The following FBXL17 variants were observed in gnomAD, a reference collection of about 807,000 sequenced individuals.
FBXL17 encodes F-box and leucine rich repeat protein 17.
In FBXL17, 22 loss-of-function variants were observed where a neutral mutation model predicts 66.2. That is an observed-to-expected ratio of 0.33 (90% CI 0.24 to 0.47). The LOEUF is 0.47. Among genes scored for constraint, FBXL17 ranks in the 20% least tolerant of loss-of-function variants. The pLI, the probability that FBXL17 is intolerant of heterozygous loss-of-function variation, is 1.00. For missense variants in FBXL17, 878 were observed against 948.2 expected (o/e 0.93, Z 0.97); for synonymous variants, 474 against 400.5 (o/e 1.18, Z -2.19).
At chr5:108,050,341 G>T (rs1747422437) in intron 6 of FBXL17, among the ~76,000 whole-genome samples, 2 of 152,150 alleles carry the variant, frequency 1.3e-5, no homozygotes, top group South Asian at 2.1e-4. Flanking sequence ...AAATGCAAAA[G>T]AACTGAAATC....
At chr5:108,048,005 A>G (rs1747323225) in intron 6 of FBXL17, among the ~76,000 whole-genome samples, 1 of 152,188 alleles carries the variant, frequency 6.6e-6, no homozygotes, top group Non-Finnish European at 1.5e-5. Flanking sequence ...ACCCTCCAAC[A>G]GGGGTTGTCA....
rs145664634 is a variant in FBXL17 at position 108,194,397 on chromosome 5, T to A, written c.1615-8150A>T. On this transcript the variant is annotated intron_variant, in intron 5 of 8. Coordinates refer to ENST00000542267, the MANE Select transcript of FBXL17 (RefSeq NM_001163315.3). ...AGGAAAAAAAAAAGTCTTCGAAATA[T>A]ACTTGCCTTAATGCAAATTATTAAC... Among the ~76,000 whole-genome samples the A allele has an allele frequency of 7.8e-4, 119 of 152,296 alleles. No homozygotes were observed. The East Asian group carries it at 0.011, about 14-fold the overall frequency.
rs149220322 is a variant in FBXL17, at chr5:108,183,672, A to T, written c.1745+2445T>A. Among the ~76,000 whole-genome samples the T allele has an allele frequency of 3.2e-3, 489 of 152,200 alleles. 2 individuals carry two copies. The highest frequency in any genetic ancestry group is 0.011 in the South Asian group (51 of 4,822). On this transcript the variant is annotated intron_variant, in intron 6 of 8. Coordinates refer to ENST00000542267, the MANE Select transcript of FBXL17 (RefSeq NM_001163315.3). ...GGATTTTGGTGCGCCCATCCCCTGA[A>T]TAGTGCACATTGTACCCCATAGGCA...
chr5:108,014,085 T>A (rs563150808), intron 7 of FBXL17, among the ~76,000 whole-genome samples: 29 of 152,150 alleles, frequency 1.9e-4, no homozygotes, highest in African/African-American at 6.7e-4. Flanking sequence ...CCAAGAGTAC[T>A]ATGCAGTGAG....
intron 7 of FBXL17, among the ~76,000 whole-genome samples, chr5:107,973,490 T>G (rs1047638987): frequency 1.3e-5 from 2 of 151,890 alleles, no homozygotes; most frequent in Admixed American, 1.3e-4. Context: ...TTTTAGAGTG[T>G]GCACCACTCT....
chr5:107,875,329 C>T (rs1748588157), intron 8 of FBXL17, among the ~76,000 whole-genome samples: 1 of 152,152 alleles, frequency 6.6e-6, no homozygotes, highest in Non-Finnish European at 1.5e-5. Context: ...TAGTTCTGTA[C>T]ATTAGTTACA....
At chr5:107,875,909 G>C (rs1291607646) in intron 8 of FBXL17, among the ~76,000 whole-genome samples, 3 of 152,244 alleles carry the variant, frequency 2.0e-5, no homozygotes, top group African/African-American at 7.2e-5. Flanking sequence ...TCACACAGAG[G>C]CGGCTCTCCT....
At position 107,920,846 on chromosome 5, in the gene FBXL17, T is replaced by C. The variant is rs182306871; in HGVS notation, c.1823-39667A>G. 1.2e-3 allele frequency among the ~76,000 whole-genome samples: 185 copies of C among 152,226 alleles called. 1 individual carries two copies. Among genetic ancestry groups the C allele is most frequent in the African/African-American group, 4.3e-3 (178 of 41,540 alleles). On this transcript the variant is annotated intron_variant, in intron 7 of 8. Coordinates refer to ENST00000542267, the MANE Select transcript of FBXL17 (RefSeq NM_001163315.3). Reference sequence around the variant, plus strand: ...GTTTAAGAGGTCTCCACGGTATAATTTGTCACCACTACAAGTTTCTGCTTT... The same window carrying C: ...GTTTAAGAGGTCTCCACGGTATAATCTGTCACCACTACAAGTTTCTGCTTT...
intron 4 of FBXL17, among the ~76,000 whole-genome samples, chr5:108,333,049 T>C (rs1201870651): frequency 7.4e-6 from 1 of 135,792 alleles, no homozygotes; most frequent in Non-Finnish European, 1.5e-5. Flanking sequence ...TAAAATCTTA[T>C]ATAAGAAGTT....
intron 6 of FBXL17, among the ~76,000 whole-genome samples, chr5:108,088,617 C>T (rs1749062486): frequency 7.3e-6 from 1 of 136,066 alleles, no homozygotes; most frequent in African/African-American, 2.7e-5. Flanking sequence ...AGGAGAATCG[C>T]TTAAACTTGG....
intron 4 of FBXL17, among the ~76,000 whole-genome samples, chr5:108,278,974 C>A (rs1580734748): frequency 6.6e-6 from 1 of 152,316 alleles, no homozygotes; most frequent in East Asian, 1.9e-4. Flanking sequence ...TTGAAGCACT[C>A]CTCTTGAGAG....
At chr5:108,134,506 T>C (rs956932151) in intron 6 of FBXL17, among the ~76,000 whole-genome samples, 3 of 152,084 alleles carry the variant, frequency 2.0e-5, no homozygotes, top group South Asian at 4.1e-4. Context: ...AACAAATTTT[T>C]CCCCCAAAAC....
intron 6 of FBXL17, among the ~76,000 whole-genome samples, chr5:108,104,579 T>C (rs1385812071): frequency 2.6e-5 from 4 of 152,320 alleles, no homozygotes; most frequent in Non-Finnish European, 1.5e-5. Flanking sequence ...AGTTAAGATA[T>C]AGTCTCTGTC....
chr5:108,172,550 A>C (rs1752646519), intron 6 of FBXL17, among the ~76,000 whole-genome samples: 1 of 152,198 alleles, frequency 6.6e-6, no homozygotes, highest in African/African-American at 2.4e-5. Context: ...AAATAATCAC[A>C]GAAGTTCTGA....
At chr5:108,130,644 T>C (rs1011344208) in intron 6 of FBXL17, among the ~76,000 whole-genome samples, 1 of 152,050 alleles carries the variant, frequency 6.6e-6, no homozygotes, top group Non-Finnish European at 1.5e-5. Context: ...TAAAGGAACA[T>C]TTATTAACTT....
intron 4 of FBXL17, chr5:108,299,308 C>T: frequency 1.0e-6 from 1 of 984,436 alleles, no homozygotes; most frequent in Non-Finnish European, 1.2e-6. Flanking sequence ...AGGTTCTCAC[C>T]CACCCATCTC....
At position 108,204,178 on chromosome 5, in the gene FBXL17, T is replaced by C. The variant is rs188056768; in HGVS notation, c.1615-17931A>G. On this transcript the variant is annotated intron_variant, in intron 5 of 8. Transcript: ENST00000542267. Reference sequence around the variant, plus strand: ...AAATAAAAATTCTCTACCATCTTAATAGTTATTTAATATAAGGTCTTTTCT... The same window carrying C: ...AAATAAAAATTCTCTACCATCTTAACAGTTATTTAATATAAGGTCTTTTCT... Among the ~76,000 whole-genome samples the C allele has an allele frequency of 2.5e-3, 381 of 152,200 alleles. 1 individual carries two copies. Among genetic ancestry groups the C allele is most frequent in the African/African-American group, 8.6e-3 (356 of 41,542 alleles).
intron 7 of FBXL17, among the ~76,000 whole-genome samples, chr5:108,006,489 G>C (rs963070906): frequency 6.6e-6 from 1 of 152,132 alleles, no homozygotes; most frequent in Non-Finnish European, 1.5e-5. Flanking sequence ...ATTTACACAG[G>C]GAAGAACAGT....
At chr5:107,994,621 T>G (rs931538267) in intron 7 of FBXL17, among the ~76,000 whole-genome samples, 4 of 152,056 alleles carry the variant, frequency 2.6e-5, no homozygotes, top group Non-Finnish European at 4.4e-5. Context: ...GGGTGGATTA[T>G]GAGGTCAGGA....
Sources: allele counts gnomAD v4.1 joint callset (sites outside exome capture counted in the v4.1 genomes callset), GRCh38; gene constraint gnomAD v4.1.1; transcripts MANE v1.5; gene names NCBI Gene and HGNC (gene_info 2026-07-23, HGNC 2026-07-21).